Variants in NKAIN2 observed in about 807,000 individuals in gnomAD.
NKAIN2 encodes sodium/potassium transporting ATPase interacting 2.
NKAIN2 carries 14 observed loss-of-function variants against 32.6 expected under a neutral mutation model. The observed-to-expected ratio is 0.43, with a 90% CI of 0.28 to 0.67. NKAIN2 has a LOEUF of 0.67. NKAIN2 is among the 30% of genes least tolerant of loss of function. The pLI is 0.17. For missense variants in NKAIN2, 198 were observed against 258.3 expected, an observed-to-expected ratio of 0.77 and a Z score of 1.60; for synonymous variants, 80 against 87.2, an observed-to-expected ratio of 0.92 and a Z score of 0.46.
chr6:124,140,824 T>G (rs1343576207), intron 1 of NKAIN2, among the ~76,000 whole-genome samples: 2 of 152,194 alleles, frequency 1.3e-5, no homozygotes, highest in East Asian at 3.8e-4. Flanking sequence ...TTCTGCAACA[T>G]ACAATGTTTT....
intron 1 of NKAIN2, among the ~76,000 whole-genome samples, chr6:124,147,164 G>T (rs1787449948): frequency 6.6e-6 from 1 of 152,100 alleles, no homozygotes; most frequent in South Asian, 2.1e-4. Context: ...CATTACCACA[G>T]CATGGGGCAT....
At chr6:124,176,131 T>C (rs1181980397) in intron 1 of NKAIN2, among the ~76,000 whole-genome samples, 1 of 152,190 alleles carries the variant, frequency 6.6e-6, no homozygotes, top group Non-Finnish European at 1.5e-5. Context: ...CTGTAGTCTA[T>C]TAATTATGCA....
intron 3 of NKAIN2, among the ~76,000 whole-genome samples, chr6:124,483,721 T>C (rs150418800): frequency 0.012 from 1,870 of 152,106 alleles, 34 homozygotes; most frequent in African/African-American, 0.042. Flanking sequence ...CTAGAAACCA[T>C]ATGAGAATCT....
At chr6:124,540,207 A>G (rs79022634) in intron 3 of NKAIN2, among the ~76,000 whole-genome samples, 1,929 of 152,322 alleles carry the variant, frequency 0.013, 26 homozygotes, top group Non-Finnish European at 0.018. Context: ...CAAATACTTT[A>G]AAGTTTTATG....
chr6:124,063,402 CT>C (rs963659853), intron 1 of NKAIN2, among the ~76,000 whole-genome samples: 1 of 151,956 alleles, frequency 6.6e-6, no homozygotes, highest in Non-Finnish European at 1.5e-5. Flanking sequence ...AATAATAGCT[CT>C]ATGTTGTTTA....
intron 4 of NKAIN2, among the ~76,000 whole-genome samples, chr6:124,713,657 G>T (rs909071459): frequency 2.6e-5 from 4 of 152,130 alleles, no homozygotes. Flanking sequence ...TCAGAGCTTT[G>T]AGCAAACTTA....
intron 1 of NKAIN2, among the ~76,000 whole-genome samples, chr6:123,812,253 T>A (rs907406254): frequency 6.6e-6 from 1 of 152,194 alleles, no homozygotes. Flanking sequence ...GAAATATTAC[T>A]CCAGGCTAAT....
At chr6:124,195,798 T>C (rs181373052) in intron 1 of NKAIN2, among the ~76,000 whole-genome samples, 71 of 152,226 alleles carry the variant, frequency 4.7e-4, no homozygotes, top group African/African-American at 1.4e-3. Flanking sequence ...GCTATTTTTT[T>C]GTTGTTGCGG....
chr6:124,630,972 C>G (rs983750421), intron 3 of NKAIN2, among the ~76,000 whole-genome samples: 8 of 152,050 alleles, frequency 5.3e-5, no homozygotes, highest in Non-Finnish European at 8.8e-5. Flanking sequence ...AATAATGTAG[C>G]CGTATTCTAC....
intron 3 of NKAIN2, among the ~76,000 whole-genome samples, chr6:124,454,621 A>T (rs1374168909): frequency 6.6e-6 from 1 of 152,088 alleles, no homozygotes; most frequent in Non-Finnish European, 1.5e-5. Context: ...ATGGCCATAA[A>T]TGTGTCTTTT....
At chr6:123,910,196 A>G (rs1373128736) in intron 1 of NKAIN2, among the ~76,000 whole-genome samples, 3 of 152,164 alleles carry the variant, frequency 2.0e-5, no homozygotes, top group African/African-American at 7.2e-5. Context: ...CCTGCTCTAA[A>G]TATGTCTCCG....
intron 1 of NKAIN2, among the ~76,000 whole-genome samples, chr6:123,915,822 A>G (rs1449310659): frequency 6.6e-6 from 1 of 152,198 alleles, no homozygotes; most frequent in Non-Finnish European, 1.5e-5. Flanking sequence ...TGTTTATTAA[A>G]TAAACATTTA....
rs142539289 is a variant in NKAIN2 at position 124,145,489 on chromosome 6, T to TTTTTTG, written c.55-137487_55-137482dup. On this transcript the variant is annotated intron_variant, in intron 1 of 6. Coordinates refer to ENST00000368417, the MANE Select transcript of NKAIN2 (RefSeq NM_001040214.3). ...CTCCAGGGAATTAAACTGACAAACT[T>TTTTTTG]TTTTTGTTTTTGTTTTTGTTTTTGT... Among the ~76,000 whole-genome samples the TTTTTTG allele has an allele frequency of 3.6e-3, 536 of 150,230 alleles. 5 individuals are homozygous for TTTTTTG. The highest frequency in any genetic ancestry group is 0.011 in the African/African-American group (459 of 40,988).
At chr6:124,584,242 C>T (rs1781625877) in intron 3 of NKAIN2, among the ~76,000 whole-genome samples, 1 of 152,158 alleles carries the variant, frequency 6.6e-6, no homozygotes, top group African/African-American at 2.4e-5. Flanking sequence ...GCAAACTACC[C>T]ATCTGAGAAG....
In NKAIN2 at chr6:124,321,931, G is replaced by A. The variant is rs562516508; in HGVS notation, c.193-33336G>A. Among the ~76,000 whole-genome samples, 22 of 152,166 alleles carry A rather than the reference G, an allele frequency of 1.4e-4. No individual in the cohort carries two copies. In the South Asian group the frequency reaches 3.3e-3, roughly 23 times the overall value. ...AAATGGAAATAAGCAGAATATGTAGGAATACCATAAGTACATTTTCCTTCT... is the reference window on the plus strand; with the variant it reads ...AAATGGAAATAAGCAGAATATGTAGAAATACCATAAGTACATTTTCCTTCT... On this transcript the variant is annotated intron_variant, in intron 2 of 6. Coordinates refer to ENST00000368417, the MANE Select transcript of NKAIN2 (RefSeq NM_001040214.3).
rs72975754 is a variant in NKAIN2 at position 124,665,612 on chromosome 6, A to C, written c.474+7226A>C. On this transcript the variant is annotated intron_variant, in intron 4 of 6. Coordinates refer to ENST00000368417, the MANE Select transcript of NKAIN2 (RefSeq NM_001040214.3). The stretch of plus-strand genomic sequence containing the variant: ...TCCTTAGGCTTGATGTAGGGACTAC[A>C]TGGTACACTTTTCAAATTTTTCATC... Among the ~76,000 whole-genome samples, 620 of 152,312 alleles carry C rather than the reference A, an allele frequency of 4.1e-3. 5 individuals carry two copies. Among genetic ancestry groups the C allele is most frequent in the Middle Eastern group, 0.02 (6 of 294 alleles).
At position 124,122,793 on chromosome 6, in the gene NKAIN2, G is replaced by C. The variant is rs147476421; in HGVS notation, c.55-160212G>C. Among the ~76,000 whole-genome samples the C allele has an allele frequency of 3.8e-3, 579 of 152,142 alleles. 3 individuals are homozygous for C. The highest frequency in any genetic ancestry group is 0.013 in the African/African-American group (541 of 41,502). On this transcript the variant is annotated intron_variant, in intron 1 of 6. Transcript: ENST00000368417. Reference sequence around the variant, plus strand: ...AAACTCTTTGCCCCTGGTTGAAGAAGTTTCCATAGCATGATGGTTTATTAT... The same window carrying C: ...AAACTCTTTGCCCCTGGTTGAAGAACTTTCCATAGCATGATGGTTTATTAT...
intron 1 of NKAIN2, among the ~76,000 whole-genome samples, chr6:123,910,499 G>GTTTTTTTTTTTTGTTTTTTTTT (rs1775118616): frequency 6.1e-5 from 5 of 81,314 alleles, no homozygotes; most frequent in African/African-American, 2.5e-4. Flanking sequence ...TGCAATGCAT[G>GTTTTTTTTTTTTGTTTTTTTTT]TTTTTTTTTT....
chr6:124,286,554 T>A (rs1415767994), intron 2 of NKAIN2, among the ~76,000 whole-genome samples: 2 of 152,104 alleles, frequency 1.3e-5, no homozygotes, highest in Non-Finnish European at 2.9e-5. Context: ...AGAAAAAATG[T>A]TATTTTCATT....
Sources: gnomAD v4.1 joint callset for allele counts (sites outside exome capture counted in the v4.1 genomes callset) on GRCh38, gnomAD v4.1.1 for gene constraint, MANE v1.5 for transcripts, NCBI Gene and HGNC (gene_info 2026-07-23, HGNC 2026-07-21) for gene names.